The following PNKD variants were observed in gnomAD, a reference collection of about 807,000 sequenced individuals.
PNKD encodes probable thioesterase PNKD.
Under a neutral mutation model 45.3 loss-of-function variants are expected in PNKD, and 36 were observed. The observed-to-expected ratio is 0.80, with a 90% CI of 0.61 to 1.05. The LOEUF (loss-of-function observed/expected upper bound fraction) is 1.05, where lower values mean the gene tolerates loss of function less well. Ranked by LOEUF, PNKD falls within the 50% of genes least tolerant of loss-of-function variation. PNKD has a pLI of 0.00. For synonymous variants in PNKD, 197 were observed against 210.1 expected (o/e 0.94, Z 0.54); for missense variants, 511 against 506.6 (o/e 1.01, Z -0.08).
chr2:218,283,330 G>A (rs888433049), intron 2 of PNKD, among the ~76,000 whole-genome samples: 1 of 152,226 alleles, frequency 6.6e-6, no homozygotes, highest in Admixed American at 6.5e-5. Context: ...CCAGGACGGA[G>A]GCCTTCCAGA....
At chr2:218,303,339 T>A (rs1693321407) in intron 2 of PNKD, among the ~76,000 whole-genome samples, 1 of 152,114 alleles carries the variant, frequency 6.6e-6, no homozygotes, top group African/African-American at 2.4e-5. Flanking sequence ...AATTTTATTT[T>A]TGGTTTACAA....
At chr2:218,283,008 C>T (rs984350265) in intron 2 of PNKD, among the ~76,000 whole-genome samples, 2 of 152,134 alleles carry the variant, frequency 1.3e-5, no homozygotes, top group East Asian at 1.9e-4. Flanking sequence ...TTACCCCCAC[C>T]CTGGAGGGGG....
At chr2:218,277,350 C>T in intron 2 of PNKD, 1 of 1,612,494 alleles carries the variant, frequency 6.2e-7, no homozygotes, top group South Asian at 1.1e-5. Flanking sequence ...CAGGGAAGGG[C>T]CCTCCATGCC....
intron 2 of PNKD, among the ~76,000 whole-genome samples, chr2:218,302,116 G>A (rs762366589): frequency 4.6e-5 from 7 of 152,218 alleles, no homozygotes; most frequent in South Asian, 2.1e-4. Context: ...TTGGGAGGCC[G>A]AGGCAGGCAG....
chr2:218,315,976 G>A (rs1229043918), intron 2 of PNKD, among the ~76,000 whole-genome samples: 2 of 152,236 alleles, frequency 1.3e-5, no homozygotes, highest in East Asian at 1.9e-4. Flanking sequence ...GCTCTGCTGG[G>A]CTGGGTTGAC....
At chr2:218,271,205 C>T (rs1206126106) in intron 1 of PNKD, 176 bp from the exon 2 acceptor site, 1 of 683,632 alleles carries the variant, frequency 1.5e-6, no homozygotes, top group African/African-American at 1.8e-5. Context: ...AAGGTGCCAC[C>T]TCGGTGGCGA....
chr2:218,272,824 G>C, intron 2 of PNKD: 2 of 1,612,300 alleles, frequency 1.2e-6, no homozygotes, highest in Non-Finnish European at 1.7e-6. Context: ...CCAGATTCCA[G>C]TTCGTGCCTC....
intron 2 of PNKD, among the ~76,000 whole-genome samples, chr2:218,273,820 G>A (rs536248753): frequency 6.6e-6 from 1 of 152,100 alleles, no homozygotes; most frequent in African/African-American, 2.4e-5. Context: ...TTTGTAAGAT[G>A]GGACTGGAGT....
chr2:218,300,950 A>G (rs1404873021), intron 2 of PNKD, among the ~76,000 whole-genome samples: 2 of 152,238 alleles, frequency 1.3e-5, no homozygotes, highest in African/African-American at 4.8e-5. Flanking sequence ...TCAGAAATAT[A>G]GGATCTGTAT....
intron 2 of PNKD, among the ~76,000 whole-genome samples, chr2:218,328,592 T>C (rs1292360117): frequency 1.3e-5 from 2 of 152,216 alleles, no homozygotes. Flanking sequence ...CCTTTTGTAA[T>C]TCCTAAGTAT....
At chr2:218,276,536 G>A (rs938440424) in intron 2 of PNKD, among the ~76,000 whole-genome samples, 2 of 152,136 alleles carry the variant, frequency 1.3e-5, no homozygotes, top group African/African-American at 2.4e-5. Context: ...GTCCACAGAA[G>A]GACAGAGCTG....
chr2:218,337,736 T>C (rs1054439389), intron 2 of PNKD, among the ~76,000 whole-genome samples: 1 of 152,208 alleles, frequency 6.6e-6, no homozygotes, highest in South Asian at 2.1e-4. Context: ...TTGCAGACTC[T>C]GTATAGGTAT....
At chr2:218,278,241 T>C in intron 2 of PNKD, 1 of 604,204 alleles carries the variant, frequency 1.7e-6, no homozygotes, top group South Asian at 2.0e-5. Context: ...GGGAGAAAGT[T>C]ACTCAGCCTC....
At chr2:218,336,268 G>A (rs1463970622) in intron 2 of PNKD, among the ~76,000 whole-genome samples, 1 of 145,614 alleles carries the variant, frequency 6.9e-6, no homozygotes. Flanking sequence ...AAAATATGAA[G>A]CTTTTTTTCT....
chr2:218,281,929 C>T (rs1692047899), intron 2 of PNKD: 1 of 1,582,442 alleles, frequency 6.3e-7, no homozygotes, highest in Non-Finnish European at 8.6e-7. Context: ...ATCTGCCCTT[C>T]CAGGACTCAC....
chr2:218,330,846 T>C (rs1360654848), intron 2 of PNKD, among the ~76,000 whole-genome samples: 1 of 152,258 alleles, frequency 6.6e-6, no homozygotes, highest in Non-Finnish European at 1.5e-5. Flanking sequence ...CCCAGCTTGC[T>C]GACTGTGCCT....
intron 2 of PNKD, among the ~76,000 whole-genome samples, chr2:218,295,201 T>G (rs1693112960): frequency 6.6e-6 from 1 of 152,168 alleles, no homozygotes; most frequent in Non-Finnish European, 1.5e-5. Flanking sequence ...ATTCGATAAA[T>G]GATGTTTTTT....
At chr2:218,288,380 A>C (rs1028118049) in intron 2 of PNKD, among the ~76,000 whole-genome samples, 3 of 152,002 alleles carry the variant, frequency 2.0e-5, no homozygotes, top group African/African-American at 7.2e-5. Flanking sequence ...AGTGAGTCAA[A>C]ATGGCGCCAC....
At chr2:218,277,336 G>A (rs756685316) in intron 2 of PNKD, 7 of 1,604,332 alleles carry the variant, frequency 4.4e-6, no homozygotes, top group Non-Finnish European at 6.0e-6. Context: ...GGGAGTCGGG[G>A]GGCCAGGGAA....
Sources: allele counts gnomAD v4.1 joint callset (sites outside exome capture counted in the v4.1 genomes callset), GRCh38; gene constraint gnomAD v4.1.1; transcripts MANE v1.5; gene names NCBI Gene and HGNC (gene_info 2026-07-23, HGNC 2026-07-21).